Variants in TMTC1 observed in about 807,000 individuals in gnomAD.
TMTC1 encodes the protein protein O-mannosyl-transferase TMTC1.
A neutral mutation model predicts 104.8 loss-of-function variants in TMTC1; 73 were observed. The ratio of observed to expected loss-of-function variants is 0.70; its 90% CI spans 0.58 to 0.85. TMTC1 has a LOEUF of 0.85. Among genes scored for constraint, TMTC1 ranks in the 40% least tolerant of loss-of-function variants. The probability of loss-of-function intolerance (pLI) is 0.00; values close to 1 mark genes in which losing one functional copy is unlikely to be tolerated. For missense variants in TMTC1, 1,035 were observed against 1,096.1 expected, an observed-to-expected ratio of 0.94 and a Z score of 0.79; for synonymous variants, 434 against 428.7, an observed-to-expected ratio of 1.01 and a Z score of -0.15.
At chr12:29,674,691 T>C (rs1345254224) in intron 5 of TMTC1, among the ~76,000 whole-genome samples, 2 of 152,176 alleles carry the variant, frequency 1.3e-5, no homozygotes, top group East Asian at 3.9e-4. Context: ...ATCCAGCCCA[T>C]GCTCTGTTCA....
intron 11 of TMTC1, among the ~76,000 whole-genome samples, chr12:29,521,700 T>A (rs561997837): frequency 6.6e-6 from 1 of 151,930 alleles, no homozygotes; most frequent in South Asian, 2.1e-4. Context: ...CCTGAGTAGC[T>A]GGGATTACAG....
intron 7 of TMTC1, among the ~76,000 whole-genome samples, chr12:29,585,815 AGT>A (rs1946118544): frequency 6.6e-6 from 1 of 152,218 alleles, no homozygotes; most frequent in African/African-American, 2.4e-5. Context: ...TTTTGGTACC[AGT>A]ACAATGCTGT....
chr12:29,572,961 T>C (rs1311057507), intron 8 of TMTC1, among the ~76,000 whole-genome samples: 1 of 152,212 alleles, frequency 6.6e-6, no homozygotes, highest in Non-Finnish European at 1.5e-5. Context: ...TAACATGCAG[T>C]GTCCTCTATT....
chr12:29,735,954 G>C (rs912269788), intron 5 of TMTC1, among the ~76,000 whole-genome samples: 3 of 152,120 alleles, frequency 2.0e-5, no homozygotes, highest in African/African-American at 7.2e-5. Context: ...GAGTCTCCTC[G>C]GGTCTATTAC....
At position 29,737,049 on chromosome 12, in the gene TMTC1, A is replaced by T. The variant is rs555744559; in HGVS notation, c.938+14617T>A. Among the ~76,000 whole-genome samples, 7 of 152,364 alleles carry T rather than the reference A, an allele frequency of 4.6e-5. No homozygotes were observed. The East Asian group carries it at 1.4e-3, about 29-fold the overall frequency. ...CGTCAGAGAGCTTTTCAAAAATTGT[A>T]TTTAAAGACTGCTTACAGATGAAAT... is the stretch of plus-strand genomic sequence containing the variant. On this transcript the variant is annotated intron_variant, in intron 5 of 17. Transcript: ENST00000539277.
chr12:29,520,598 T>C lies in TMTC1; in HGVS notation c.1888+20A>G. ...TATTAGCTAATCTCAGCAGTACAGT[T>C]TCTCTTTAATTTCACTTACCAGTAT... On this transcript the variant is annotated intron_variant, in intron 12 of 17. Coordinates refer to ENST00000539277, the MANE Select transcript of TMTC1 (RefSeq NM_001193451.2). 6.3e-7 allele frequency: 1 copy of C among 1,580,828 alleles called. No individual in the cohort carries two copies. Among genetic ancestry groups the C allele is most frequent in the Non-Finnish European group, 8.7e-7 (1 of 1,152,552 alleles).
intron 9 of TMTC1, among the ~76,000 whole-genome samples, chr12:29,569,851 T>C (rs762123123): frequency 2.6e-5 from 4 of 152,246 alleles, no homozygotes; most frequent in South Asian, 2.1e-4. Context: ...TTTTTCCCCA[T>C]GTCTCAAGGG....
intron 6 of TMTC1, among the ~76,000 whole-genome samples, chr12:29,621,412 G>A (rs138773265): frequency 6.6e-6 from 1 of 152,338 alleles, no homozygotes; most frequent in African/African-American, 2.4e-5. Context: ...TTGTACCCCA[G>A]GGAATGAAAA....
intron 5 of TMTC1, among the ~76,000 whole-genome samples, chr12:29,728,659 T>C (rs1025315452): frequency 2.0e-5 from 3 of 151,992 alleles, no homozygotes; most frequent in Non-Finnish European, 4.4e-5. Flanking sequence ...AGGAATTATT[T>C]TGAAACAACA....
chr12:29,516,823 A>T, intron 14 of TMTC1, among the ~76,000 whole-genome samples: 1 of 152,212 alleles, frequency 6.6e-6, no homozygotes. Flanking sequence ...GCAAGATAAC[A>T]AATTTGATTT....
chr12:29,735,585 A>G (rs1341928315), intron 5 of TMTC1, among the ~76,000 whole-genome samples: 1 of 152,220 alleles, frequency 6.6e-6, no homozygotes, highest in East Asian at 1.9e-4. Context: ...CTCATTATGT[A>G]ATAGGTGTTT....
chr12:29,648,250 C>T (rs758775961), intron 5 of TMTC1, among the ~76,000 whole-genome samples: 15 of 152,116 alleles, frequency 9.9e-5, no homozygotes, highest in Non-Finnish European at 1.8e-4. Context: ...TAACATGATT[C>T]CCTAGTGTTT....
rs984645240 is a variant in TMTC1, at chr12:29,755,898, T to C, written c.555-13A>G. The C allele has an allele frequency of 1.9e-6, 3 of 1,611,596 alleles. No homozygotes were observed. Among genetic ancestry groups the C allele is most frequent in the Non-Finnish European group, 1.7e-6 (2 of 1,179,116 alleles). On this transcript the variant is annotated splice_polypyrimidine_tract_variant and intron_variant, in intron 3 of 17. Coordinates refer to ENST00000539277, the MANE Select transcript of TMTC1 (RefSeq NM_001193451.2). ...CTGATCCAGACTCCTGAAAAACAAG[T>C]TGGAGATTCTTTTAATCTAAGAAAG...
intron 8 of TMTC1, among the ~76,000 whole-genome samples, chr12:29,577,973 T>C (rs780930715): frequency 6.6e-6 from 1 of 152,098 alleles, no homozygotes; most frequent in African/African-American, 2.4e-5. Flanking sequence ...TAGAACTAAA[T>C]AGTGCATGGT....
Position 29,767,996 on chromosome 12 carries a change from C to T in TMTC1, c.382G>A (p.Val128Met), listed in dbSNP as rs779140795. The T allele has an allele frequency of 1.9e-6, 3 of 1,613,674 alleles. No individual in the cohort carries two copies. The highest frequency in any genetic ancestry group is 2.5e-6 in the Non-Finnish European group (3 of 1,179,840). ...NIILHCLVTL[V>M]LMYTCDKTVF... is the part of the protein sequence containing the mutation. The stretch of plus-strand genomic sequence containing the variant: ...GTTTTATCACAGGTGTACATCAGCA[C>T]AAGAGTCACTAAGCAGTGTAAAATT... Residue 128 changes from valine to methionine, a missense_variant, in exon 2 of 18, where the codon GTG becomes ATG. Transcript: ENST00000539277.
At chr12:29,617,313 T>C (rs1947009037) in intron 6 of TMTC1, among the ~76,000 whole-genome samples, 1 of 152,074 alleles carries the variant, frequency 6.6e-6, no homozygotes, top group Non-Finnish European at 1.5e-5. Flanking sequence ...TTGAAAAATT[T>C]CCCATCCTCA....
At chr12:29,531,304 C>A (rs1452464124) in intron 11 of TMTC1, among the ~76,000 whole-genome samples, 2 of 152,188 alleles carry the variant, frequency 1.3e-5, no homozygotes, top group East Asian at 1.9e-4. Flanking sequence ...TAGGAGAGAA[C>A]CTACCTGACC....
intron 2 of TMTC1, among the ~76,000 whole-genome samples, chr12:29,764,290 C>T (rs1166714655): frequency 6.6e-6 from 1 of 152,072 alleles, no homozygotes; most frequent in Admixed American, 6.6e-5. Context: ...GCTATAGAAA[C>T]CTGTCTTTGG....
At chr12:29,647,827 T>C (rs1429396496) in intron 5 of TMTC1, among the ~76,000 whole-genome samples, 1 of 152,196 alleles carries the variant, frequency 6.6e-6, no homozygotes, top group African/African-American at 2.4e-5. Context: ...TCCTATGTTA[T>C]CTCCTTTCTG....
Sources: gnomAD v4.1 joint callset for allele counts (sites outside exome capture counted in the v4.1 genomes callset) on GRCh38, gnomAD v4.1.1 for gene constraint, MANE v1.5 for transcripts, NCBI Gene and HGNC (gene_info 2026-07-23, HGNC 2026-07-21) for gene names.